Variants in PRSS21 observed in about 807,000 individuals in gnomAD.
PRSS21 encodes the protein testisin.
PRSS21 carries 40 observed loss-of-function variants against 31.1 expected under a neutral mutation model. The ratio of observed to expected loss-of-function variants is 1.29; its 90% CI spans 1.00 to 1.68. The LOEUF is 1.68. PRSS21 is among the 40% of genes most tolerant of loss of function. The pLI, the probability that PRSS21 is intolerant of heterozygous loss-of-function variation, is 0.00. For synonymous variants in PRSS21, 186 were observed against 167.7 expected, an observed-to-expected ratio of 1.11 and a Z score of -0.84; for missense variants, 467 against 412.6, an observed-to-expected ratio of 1.13 and a Z score of -1.14.
rs1284315322 is a variant in PRSS21, at chr16:2,817,923, C to G, written c.214C>G (p.Leu72Val). 3.2e-6 allele frequency: 5 copies of G among 1,549,488 alleles called. No homozygotes were observed. Among genetic ancestry groups the G allele is most frequent in the African/African-American group, 1.4e-5 (1 of 73,142 alleles). Residue 72 changes from leucine (L) to valine (V), a missense_variant, in exon 3 of 6, where the codon CTC becomes GTC. Physicochemically the swap from Leu to Val is conservative, Grantham distance 32. Transcript: ENST00000005995. The surrounding 1 kb of genome is among the most constrained non-coding windows in gnomAD (Gnocchi z 4.2). ...WDSHVCGVSL[L>V]SHRWALTAAH... Reference sequence around the variant, plus strand: ...TTCCCACGTATGCGGAGTGAGCCTGCTCAGCCACCGCTGGGCACTCACGGC... The same window carrying G: ...TTCCCACGTATGCGGAGTGAGCCTGGTCAGCCACCGCTGGGCACTCACGGC...
rs2069097111 is a variant in PRSS21, at chr16:2,817,550, C to G, written c.91+94C>G. 4 of 1,435,132 alleles carry G rather than the reference C, an allele frequency of 2.8e-6. No homozygotes were observed. Among genetic ancestry groups the G allele is most frequent in the East Asian group, 2.5e-5 (1 of 40,128 alleles). The allele number at this position is 1,435,132 out of a possible 1,614,324, so 88.9% of individuals were successfully genotyped here. A position where few individuals can be genotyped will look rare whatever the true frequency, so the allele number is the denominator to read the frequency against. On this transcript the variant is annotated intron_variant, in intron 2 of 5. Coordinates refer to ENST00000005995, the MANE Select transcript of PRSS21 (RefSeq NM_006799.4). This position sits in a 1 kb window ranked among gnomAD's most constrained non-coding sequence, Gnocchi z 4.2. ...GGTAGAGGGGGGCCTTTACTGCTCT[C>G]TCGCCCCCGCCCCCGGGATCGAGAA...
In PRSS21 at chr16:2,821,542, C is replaced by A. The variant is rs536996341; in HGVS notation, c.882C>A (p.Asp294Glu). The change falls in exon 6 of 6, where the codon GAC (aspartate) becomes GAA (glutamate). Residue 294 changes from aspartate (D) to glutamate (E), a missense_variant. Asp to Glu is a conservative substitution (Grantham distance 45, BLOSUM62 2). Transcript: ENST00000005995. ...CCCAGAGTGGCATGTCCCAGCCAGA[C>A]CCCTCCTGGCCGCTACTCTTTTTCC... is the stretch of plus-strand genomic sequence containing the variant. ...LMAQSGMSQP[D>E]PSWPLLFFPL... The A allele has an allele frequency of 1.6e-4, 255 of 1,614,208 alleles. 1 individual carries two copies. In the South Asian group the frequency reaches 2.6e-3, roughly 17 times the overall value.
rs1457052320 is a variant in PRSS21 at position 2,818,797 on chromosome 16, G to C, written c.378G>C (p.Leu126=). The change falls in exon 4 of 6, where the codon CTG becomes CTC. Residue 126 remains leucine (L), a synonymous_variant. Coordinates refer to ENST00000005995, the MANE Select transcript of PRSS21 (RefSeq NM_006799.4). The stretch of plus-strand genomic sequence containing the variant: ...GTTACTTCGTATCGAATATCTATCT[G>C]AGCCCTCGCTACCTGGGGAATTCAC... The part of the protein sequence containing the change: ...YTRYFVSNIY[L]SPRYLGNSPY... 1.2e-6 allele frequency: 2 copies of C among 1,613,554 alleles called. No individual in the cohort carries two copies. The highest frequency in any genetic ancestry group is 1.3e-5 in the African/African-American group (1 of 74,908).
Position 2,817,663 on chromosome 16 carries a change from A to G in PRSS21, c.92-138A>G, listed in dbSNP as rs1003502740. 2.9e-5 allele frequency: 37 copies of G among 1,291,384 alleles called. No individual in the cohort carries two copies. In the African/African-American group the frequency reaches 4.9e-4, roughly 17 times the overall value. The allele number at this position is 1,291,384 out of a possible 1,614,324, so 80.0% of individuals were successfully genotyped here. The stretch of plus-strand genomic sequence containing the variant: ...CGTGGGAGGATCTCCAGTGTCACCT[A>G]CTTCCTGCTGCACACACGCGAGGGG... On this transcript the variant is annotated intron_variant, in intron 2 of 5. Transcript: ENST00000005995. The surrounding 1 kb of genome is among the most constrained non-coding windows in gnomAD (Gnocchi z 4.2).
Position 2,818,890 on chromosome 16 carries a change from T to C in PRSS21, c.471T>C (p.Cys157=). Residue 157 remains cysteine (C), a synonymous_variant, in exon 4 of 6, where the codon TGT becomes TGC. Transcript: ENST00000005995. ...ACACTAAACACATCCAGCCCATCTG[T>C]CTCCAGGCCTCCACATTTGAGTTTG... is the stretch of plus-strand genomic sequence containing the variant. ...VTYTKHIQPI[C]LQASTFEFEN... is the part of the protein sequence containing the mutation. 6.2e-7 allele frequency: 1 copy of C among 1,614,202 alleles called. No homozygotes were observed. Among genetic ancestry groups the C allele is most frequent in the Non-Finnish European group, 8.5e-7 (1 of 1,180,018 alleles).
chr16:2,821,489 C>G lies in PRSS21; in HGVS notation c.829C>G (p.His277Asp). ...CGGTGTCTACACCAATATCAGCCACCACTTTGAGTGGATCCAGAAGCTGAT... is the reference window on the plus strand; with the variant it reads ...CGGTGTCTACACCAATATCAGCCACGACTTTGAGTGGATCCAGAAGCTGAT... The part of the protein sequence containing the change: ...RPGVYTNISH[H>D]FEWIQKLMAQ... The change falls in exon 6 of 6, where the codon CAC becomes GAC. Residue 277 changes from histidine (H) to aspartate (D), a missense_variant. Physicochemically the swap from His to Asp is moderately conservative, Grantham distance 81 (BLOSUM62 -1). Coordinates refer to ENST00000005995, the MANE Select transcript of PRSS21 (RefSeq NM_006799.4). The G allele has an allele frequency of 6.2e-7, 1 of 1,614,112 alleles. No homozygotes were observed. The highest frequency in any genetic ancestry group is 2.2e-5 in the East Asian group (1 of 44,898).
In PRSS21 at chr16:2,818,844, A is replaced by T; in HGVS notation, c.425A>T (p.Lys142Met). ...TCACCCTATGACATTGCCTTGGTGAAGCTGTCTGCACCTGTCACCTACACT... is the reference window on the plus strand; with the variant it reads ...TCACCCTATGACATTGCCTTGGTGATGCTGTCTGCACCTGTCACCTACACT... ...GNSPYDIALV[K>M]LSAPVTYTKH... The change falls in exon 4 of 6, where the codon AAG becomes ATG. Residue 142 changes from lysine to methionine, a missense_variant. Transcript: ENST00000005995. 1.9e-6 allele frequency: 3 copies of T among 1,613,914 alleles called. No individual in the cohort carries two copies. Among genetic ancestry groups the T allele is most frequent in the Non-Finnish European group, 2.5e-6 (3 of 1,179,770 alleles).
At position 2,817,535 on chromosome 16, in the gene PRSS21, G is replaced by T; in HGVS notation, c.91+79G>T. Reference sequence around the variant, plus strand: ...GGGGGGCGGTGAGGGGGTAGAGGGGGGCCTTTACTGCTCTCTCGCCCCCGC... The same window carrying T: ...GGGGGGCGGTGAGGGGGTAGAGGGGTGCCTTTACTGCTCTCTCGCCCCCGC... On this transcript the variant is annotated intron_variant, in intron 2 of 5. Transcript: ENST00000005995. The surrounding 1 kb of genome is among the most constrained non-coding windows in gnomAD (Gnocchi z 4.2). The T allele has an allele frequency of 1.6e-6, 2 of 1,276,926 alleles. No individual in the cohort carries two copies. Among genetic ancestry groups the T allele is most frequent in the South Asian group, 1.4e-5 (1 of 71,104 alleles). 79.1% of individuals were successfully genotyped at this position (1,276,926 alleles called of 1,614,324 possible).
Position 2,818,694 on chromosome 16 carries a change from A to T in PRSS21, c.275A>T (p.Asp92Val). 1 of 1,614,088 alleles carries T rather than the reference A, an allele frequency of 6.2e-7. No homozygotes were observed. The highest frequency in any genetic ancestry group is 8.5e-7 in the Non-Finnish European group (1 of 1,179,960). Reference protein sequence around the residue: ...HCFETYSDLSDPSGWMVQFGQ... With the variant: ...HCFETYSDLSVPSGWMVQFGQ... ...TCTGCCAGCTATAGTGACCTTAGTG[A>T]TCCCTCCGGGTGGATGGTCCAGTTT... The change falls in exon 4 of 6, where the codon GAT (aspartate) becomes GTT (valine). Residue 92 changes from aspartate (D) to valine (V), a missense_variant. Transcript: ENST00000005995.
In PRSS21 at chr16:2,820,956, A is replaced by G; in HGVS notation, c.552A>G (p.Ala184=). The G allele has an allele frequency of 6.2e-7, 1 of 1,613,464 alleles. No individual in the cohort carries two copies. Residue 184 remains alanine (A), a splice_region_variant and synonymous_variant, in exon 5 of 6, where the codon GCA becomes GCG. Transcript: ENST00000005995. ...TGWGYIKEDE[A]LPSPHTLQEV... ...TCCTTCCCACTATCGTCCGCACAGC[A>G]CTGCCATCTCCCCACACCCTCCAGG... is the stretch of plus-strand genomic sequence containing the variant.
intron 3 of PRSS21, 54 bp downstream of exon 3, chr16:2,818,020 G>A: frequency 6.6e-7 from 1 of 1,512,562 alleles, no homozygotes; most frequent in Non-Finnish European, 8.9e-7. Flanking sequence ...CAGGGCTGGA[G>A]GGAGTGCCAC....
intron 4 of PRSS21, among the ~76,000 whole-genome samples, chr16:2,820,654 T>C (rs888492537): frequency 6.6e-6 from 1 of 152,130 alleles, no homozygotes; most frequent in Non-Finnish European, 1.5e-5. Flanking sequence ...CCTTCGCCCC[T>C]CCCTCGGCTC....
At chr16:2,819,236 G>A (rs749329517) in intron 4 of PRSS21, among the ~76,000 whole-genome samples, 2 of 152,096 alleles carry the variant, frequency 1.3e-5, no homozygotes, top group African/African-American at 4.8e-5. Flanking sequence ...AGGGCTTGGC[G>A]ACATAAACCT....
intron 4 of PRSS21, among the ~76,000 whole-genome samples, chr16:2,820,708 G>A (rs534820857): frequency 2.0e-5 from 3 of 152,320 alleles, no homozygotes; most frequent in Admixed American, 2.0e-4. Flanking sequence ...CAGGGCCATT[G>A]TTGCCATTCT....
Position 2,821,609 on chromosome 16 carries a change from T to C in PRSS21, c.*4T>C, listed in dbSNP as rs1313371544. On this transcript the variant is annotated 3_prime_UTR_variant, in exon 6 of 6. Coordinates refer to ENST00000005995, the MANE Select transcript of PRSS21 (RefSeq NM_006799.4). ...CCCACTCCTGGGGCCGGTCTGAGCCTACCTGAGCCCATGCAGCCTGGGGCC... is the reference window on the plus strand; with the variant it reads ...CCCACTCCTGGGGCCGGTCTGAGCCCACCTGAGCCCATGCAGCCTGGGGCC... The C allele has an allele frequency of 6.8e-6, 11 of 1,608,712 alleles. No homozygotes were observed. Among genetic ancestry groups the C allele is most frequent in the Admixed American group, 3.3e-5 (2 of 59,950 alleles).
Position 2,817,880 on chromosome 16 carries a change from G to A in PRSS21, c.171G>A (p.Gly57=), listed in dbSNP as rs1016800564. 9 of 1,549,646 alleles carry A rather than the reference G, an allele frequency of 5.8e-6. No homozygotes were observed. The African/African-American group carries it at 1.2e-4, about 21-fold the overall frequency. Residue 57 remains glycine (G), a synonymous_variant, in exon 3 of 6, where the codon GGG becomes GGA. Transcript: ENST00000005995. This position sits in a 1 kb window ranked among gnomAD's most constrained non-coding sequence, Gnocchi z 4.2. The stretch of plus-strand genomic sequence containing the variant: ...AACTCGGGCGTTGGCCGTGGCAGGG[G>A]AGCCTGCGCCTGTGGGATTCCCACG... ...DAELGRWPWQ[G]SLRLWDSHVC...
rs1457052320 is a variant in PRSS21 at position 2,818,797 on chromosome 16, G to A, written c.378G>A (p.Leu126=). Residue 126 remains leucine, a synonymous_variant, in exon 4 of 6, where the codon CTG becomes CTA. Coordinates refer to ENST00000005995, the MANE Select transcript of PRSS21 (RefSeq NM_006799.4). The part of the protein sequence containing the change: ...YTRYFVSNIY[L]SPRYLGNSPY... ...GTTACTTCGTATCGAATATCTATCT[G>A]AGCCCTCGCTACCTGGGGAATTCAC... The A allele has an allele frequency of 1.9e-6, 3 of 1,613,554 alleles. No individual in the cohort carries two copies. The highest frequency in any genetic ancestry group is 2.7e-5 in the African/African-American group (2 of 74,908).
In PRSS21 at chr16:2,817,871, G is replaced by C; in HGVS notation, c.162G>C (p.Pro54=). ...AGGACGCCGAACTCGGGCGTTGGCC[G>C]TGGCAGGGGAGCCTGCGCCTGTGGG... The part of the protein sequence containing the change: ...GGEDAELGRW[P]WQGSLRLWDS... Residue 54 remains proline (P), a synonymous_variant, in exon 3 of 6, where the codon CCG becomes CCC. Transcript: ENST00000005995. This position sits in a 1 kb window ranked among gnomAD's most constrained non-coding sequence, Gnocchi z 4.2. 6.5e-7 allele frequency: 1 copy of C among 1,550,018 alleles called. No homozygotes were observed. Among genetic ancestry groups the C allele is most frequent in the African/African-American group, 1.4e-5 (1 of 73,198 alleles).
Position 2,821,517 on chromosome 16 carries a change from C to T in PRSS21, c.857C>T (p.Ala286Val), listed in dbSNP as rs2069177139. The T allele has an allele frequency of 1.2e-6, 2 of 1,614,212 alleles. No individual in the cohort carries two copies. The highest frequency in any genetic ancestry group is 1.1e-5 in the South Asian group (1 of 91,082). The change falls in exon 6 of 6, where the codon GCC (alanine) becomes GTC (valine). Residue 286 changes from alanine to valine, a missense_variant. Coordinates refer to ENST00000005995, the MANE Select transcript of PRSS21 (RefSeq NM_006799.4). ...TTTGAGTGGATCCAGAAGCTGATGGCCCAGAGTGGCATGTCCCAGCCAGAC... is the reference window on the plus strand; with the variant it reads ...TTTGAGTGGATCCAGAAGCTGATGGTCCAGAGTGGCATGTCCCAGCCAGAC... ...HHFEWIQKLM[A>V]QSGMSQPDPS... is the part of the protein sequence containing the mutation.
Sources: gnomAD v4.1 joint callset for allele counts (sites outside exome capture counted in the v4.1 genomes callset) on GRCh38, gnomAD v4.1.1 for gene constraint, Gnocchi (gnomAD v3.1) non-coding constraint, MANE v1.5 for transcripts, NCBI Gene and HGNC (gene_info 2026-07-23, HGNC 2026-07-21) for gene names.